The following PIK3CA variants were observed in gnomAD, a reference collection of about 807,000 sequenced individuals.
PIK3CA encodes phosphatidylinositol 4,5-bisphosphate 3-kinase catalytic subunit alpha isoform.
Under a neutral mutation model 138.2 loss-of-function variants are expected in PIK3CA, and 27 were observed. The observed-to-expected ratio is 0.20, with a 90% CI of 0.14 to 0.27. The LOEUF (loss-of-function observed/expected upper bound fraction) is 0.27, where lower values mean the gene tolerates loss of function less well. Ranked by LOEUF, PIK3CA falls within the 10% of genes least tolerant of loss-of-function variation. The probability of loss-of-function intolerance (pLI) is 1.00; values close to 1 mark genes in which losing one functional copy is unlikely to be tolerated. For synonymous variants in PIK3CA, 358 were observed against 413.2 expected (o/e 0.87, Z 1.62); for missense variants, 544 against 1,277.4 (o/e 0.43, Z 8.75).
At chr3:179,184,247 G>A (rs965233394) in intron 1 of PIK3CA, among the ~76,000 whole-genome samples, 1 of 152,164 alleles carries the variant, frequency 6.6e-6, no homozygotes. Context: ...TCACCACCAC[G>A]ATCACAGCAG....
chr3:179,186,337 A>G (rs917507254), intron 1 of PIK3CA, among the ~76,000 whole-genome samples: 12 of 152,236 alleles, frequency 7.9e-5, no homozygotes, highest in African/African-American at 2.9e-4. Context: ...TTAGCTCACA[A>G]GAAGCCAGGA....
chr3:179,213,309 T>C (rs1724762269), intron 9 of PIK3CA, among the ~76,000 whole-genome samples: 1 of 152,230 alleles, frequency 6.6e-6, no homozygotes, highest in Non-Finnish European at 1.5e-5. Flanking sequence ...GTTCACATTA[T>C]ACTGTCATCT....
intron 1 of PIK3CA, among the ~76,000 whole-genome samples, chr3:179,174,344 AC>A (rs1723641707): frequency 1.5e-5 from 2 of 136,580 alleles, no homozygotes; most frequent in African/African-American, 6.3e-5. Context: ...GGTGGCAAGC[AC>A]CTGTAATCCC....
intron 6 of PIK3CA, among the ~76,000 whole-genome samples, chr3:179,207,228 T>G (rs13099856): frequency 0.19 from 28,203 of 152,234 alleles, 2,944 homozygotes; most frequent in Non-Finnish European, 0.25. Flanking sequence ...TGCTTTATGA[T>G]TTCTTTGTAA....
At position 179,240,046 on chromosome 3, in the gene PIK3CA, T is replaced by C. The variant is rs1725412969; in HGVS notation, c.*5682T>C. The C allele has an allele frequency of 1.9e-6, 3 of 1,547,704 alleles. No homozygotes were observed. The highest frequency in any genetic ancestry group is 2.6e-6 in the Non-Finnish European group (3 of 1,144,640). On this transcript the variant is annotated 3_prime_UTR_variant, in exon 21 of 21. Coordinates refer to ENST00000263967, the MANE Select transcript of PIK3CA (RefSeq NM_006218.4). ...GTCAATGTCTGCTTTTCTTTAACTC[T>C]GCAGTCTGTAACATCACGCTGTTTA...
intron 9 of PIK3CA, among the ~76,000 whole-genome samples, chr3:179,212,640 T>C (rs773866630): frequency 1.3e-5 from 2 of 151,540 alleles, no homozygotes; most frequent in South Asian, 2.1e-4. Context: ...GGGGTCTCAC[T>C]GTGTTGCCTG....
intron 3 of PIK3CA, among the ~76,000 whole-genome samples, chr3:179,200,983 C>T (rs1201451875): frequency 6.6e-6 from 1 of 152,128 alleles, no homozygotes; most frequent in Non-Finnish European, 1.5e-5. Context: ...AATCACTATT[C>T]ATAGGGGCAG....
chr3:179,196,109 G>C (rs906445569), intron 1 of PIK3CA, among the ~76,000 whole-genome samples: 33 of 152,158 alleles, frequency 2.2e-4, no homozygotes, highest in African/African-American at 7.2e-4. Context: ...TAAAACCAGT[G>C]ATCTGTCTAC....
chr3:179,212,997 A>G (rs1724753955), intron 9 of PIK3CA, among the ~76,000 whole-genome samples: 1 of 152,176 alleles, frequency 6.6e-6, no homozygotes, highest in African/African-American at 2.4e-5. Context: ...GTTGTACAGG[A>G]GATCAGTTGC....
intron 1 of PIK3CA, among the ~76,000 whole-genome samples, chr3:179,166,935 T>C (rs1197332872): frequency 6.6e-6 from 1 of 152,102 alleles, no homozygotes; most frequent in Non-Finnish European, 1.5e-5. Flanking sequence ...AAAGAAACAT[T>C]TTAGATAATT....
rs546498357 is a variant in PIK3CA, at chr3:179,199,570, C to T, written c.353-120C>T. The T allele has an allele frequency of 6.3e-4, 411 of 652,638 alleles. 2 individuals are homozygous for T. Among genetic ancestry groups the T allele is most frequent in the Admixed American group, 7.2e-4 (24 of 33,236 alleles). 40.4% of individuals were successfully genotyped at this position (652,638 alleles called of 1,614,324 possible). On this transcript the variant is annotated intron_variant, in intron 2 of 20. Coordinates refer to ENST00000263967, the MANE Select transcript of PIK3CA (RefSeq NM_006218.4). ...TCATCAAAAATTTGTTTTAACCTAG[C>T]GGTACTTTTTTTACTTTATTGTGAT...
chr3:179,219,403 A>C lies in PIK3CA; in HGVS notation c.1746+126A>C. The C allele has an allele frequency of 1.4e-6, 1 of 714,468 alleles. No individual in the cohort carries two copies. Among genetic ancestry groups the C allele is most frequent in the Non-Finnish European group, 2.3e-6 (1 of 429,044 alleles). 44.3% of individuals were successfully genotyped at this position (714,468 alleles called of 1,614,324 possible). ...TAATAGTAATATAGTGTAGAAAAAA[A>C]CACCCTTAACATTATTTCCATAGAT... On this transcript the variant is annotated intron_variant, in intron 11 of 20. Transcript: ENST00000263967. This position sits in a 1 kb window ranked among gnomAD's most constrained non-coding sequence, Gnocchi z 4.2.
intron 14 of PIK3CA, 125 bp from the exon 15 acceptor site, chr3:179,223,956 C>G (rs1725023793): frequency 2.1e-6 from 1 of 486,632 alleles, no homozygotes; most frequent in Admixed American, 3.2e-5. Context: ...TAGAAAGCAG[C>G]AGTCTAGGAT....
intron 1 of PIK3CA, among the ~76,000 whole-genome samples, chr3:179,182,415 C>T (rs1221720215): frequency 6.6e-6 from 1 of 152,078 alleles, no homozygotes; most frequent in Non-Finnish European, 1.5e-5. Flanking sequence ...TGCCTCTAAT[C>T]CCAGCACTTT....
chr3:179,226,572 T>C lies in PIK3CA; in HGVS notation c.2495+532T>C, dbSNP rs113268549. On this transcript the variant is annotated intron_variant, in intron 17 of 20. Coordinates refer to ENST00000263967, the MANE Select transcript of PIK3CA (RefSeq NM_006218.4). ...TCTAAAATGTTCTTCCTTACCTGAC[T>C]TGTCTTTTTGCAAATCCATAGTCAT... Among the ~76,000 whole-genome samples the C allele has an allele frequency of 1.3e-3, 204 of 152,238 alleles. 3 individuals are homozygous for C. Among genetic ancestry groups the C allele is most frequent in the African/African-American group, 4.5e-3 (186 of 41,570 alleles).
chr3:179,203,483 C>T, intron 4 of PIK3CA, 61 bp from the exon 5 acceptor site: 1 of 1,501,592 alleles, frequency 6.7e-7, no homozygotes, highest in South Asian at 1.3e-5. Context: ...AATACTCTGA[C>T]ATGTTACTTT....
intron 9 of PIK3CA, among the ~76,000 whole-genome samples, chr3:179,212,311 C>CT (rs944592320): frequency 1.4e-4 from 19 of 133,396 alleles, no homozygotes; most frequent in South Asian, 2.7e-4. Context: ...CCCGGCCAAA[C>CT]TTTTTTTTTT....
intron 4 of PIK3CA, among the ~76,000 whole-genome samples, chr3:179,202,397 C>G (rs1291138235): frequency 6.6e-6 from 1 of 152,170 alleles, no homozygotes; most frequent in Non-Finnish European, 1.5e-5. Context: ...CCCCTCCAAC[C>G]AGTGGCTGTG....
chr3:179,222,666 A>G (rs906978887), intron 14 of PIK3CA, among the ~76,000 whole-genome samples: 4 of 152,210 alleles, frequency 2.6e-5, no homozygotes, highest in Non-Finnish European at 4.4e-5. Flanking sequence ...TCATGACTGC[A>G]TGGCTGACTG....
Sources: gnomAD v4.1 joint callset for allele counts (sites outside exome capture counted in the v4.1 genomes callset) on GRCh38, gnomAD v4.1.1 for gene constraint, Gnocchi (gnomAD v3.1) non-coding constraint, MANE v1.5 for transcripts, NCBI Gene and HGNC (gene_info 2026-07-23, HGNC 2026-07-21) for gene names.